Variants in AOPEP observed in about 807,000 individuals in gnomAD.
The protein encoded by AOPEP is aminopeptidase O (putative).
AOPEP carries 77 observed loss-of-function variants against 98.1 expected under a neutral mutation model. The ratio of observed to expected loss-of-function variants is 0.78; its 90% confidence interval spans 0.65 to 0.95. The LOEUF (loss-of-function observed/expected upper bound fraction) is 0.95, where lower values mean the gene tolerates loss of function less well. Ranked by LOEUF, AOPEP falls within the 40% of genes least tolerant of loss-of-function variation. AOPEP has a pLI of 0.00. For missense variants in AOPEP, 1,024 were observed against 1,024.7 expected (o/e 1.00, Z 0.01); for synonymous variants, 346 against 365.3 (o/e 0.95, Z 0.60).
At chr9:95,143,364 T>G in the AOPEP span, among the ~76,000 whole-genome samples, 1 of 152,132 alleles carries the variant, frequency 6.6e-6, no homozygotes, top group Non-Finnish European at 1.5e-5. Context: ...CGCTGGCCAG[T>G]AGTGATCAGG....
intron 13 of AOPEP, among the ~76,000 whole-genome samples, chr9:95,027,422 A>G (rs1342952397): frequency 6.6e-6 from 1 of 152,164 alleles, no homozygotes; most frequent in Non-Finnish European, 1.5e-5. Context: ...CTTGATATAA[A>G]GTATTGAGTT....
intron 5 of AOPEP, among the ~76,000 whole-genome samples, chr9:94,821,344 C>G (rs1259064962): frequency 6.6e-6 from 1 of 152,104 alleles, no homozygotes; most frequent in Non-Finnish European, 1.5e-5. Context: ...ACCAGTCTTA[C>G]AAACTAAAGG....
At position 95,010,346 on chromosome 9, in the gene AOPEP, A is replaced by G. The variant is rs55654555; in HGVS notation, c.2115+4730A>G. ...AATTATTTGGCTCTTTCTTGGACCC[A>G]AAACAACAGATGGTGACTGTGGTAG... On this transcript the variant is annotated intron_variant, in intron 13 of 16. Coordinates refer to ENST00000375315, the MANE Select transcript of AOPEP (RefSeq NM_001193329.3). Among the ~76,000 whole-genome samples, 708 of 152,348 alleles carry G rather than the reference A, an allele frequency of 4.6e-3. 10 individuals carry two copies. The highest frequency in any genetic ancestry group is 0.041 in the South Asian group (197 of 4,828).
chr9:94,831,620 AT>A (rs1855976972), intron 5 of AOPEP, among the ~76,000 whole-genome samples: 1 of 152,134 alleles, frequency 6.6e-6, no homozygotes, highest in Non-Finnish European at 1.5e-5. Flanking sequence ...TGAAAACAGC[AT>A]TGAATCTATA....
At chr9:94,935,542 C>T (rs376329600) in intron 7 of AOPEP, among the ~76,000 whole-genome samples, 1 of 152,236 alleles carries the variant, frequency 6.6e-6, no homozygotes, top group African/African-American at 2.4e-5. Context: ...AGGCAGTGGA[C>T]CCCCAGGGTG....
At chr9:94,728,054 A>G (rs1439031688) in intron 1 of AOPEP, among the ~76,000 whole-genome samples, 1 of 152,224 alleles carries the variant, frequency 6.6e-6, no homozygotes, top group Non-Finnish European at 1.5e-5. Flanking sequence ...CACTTTTCTT[A>G]AAGGACTCTA....
chr9:95,126,946 G>A, the AOPEP span: 2 of 291,384 alleles, frequency 6.9e-6, no homozygotes, highest in Non-Finnish European at 1.3e-5. Flanking sequence ...AAGTGTGCCT[G>A]TGTGACCTCC....
At chr9:94,808,947 A>T (rs1336829073) in intron 5 of AOPEP, among the ~76,000 whole-genome samples, 3 of 152,260 alleles carry the variant, frequency 2.0e-5, no homozygotes, top group Non-Finnish European at 4.4e-5. Flanking sequence ...GGAATGAGCC[A>T]GCTGCAGTTT....
chr9:94,947,216 C>T lies in AOPEP; in HGVS notation c.1662-7961C>T, dbSNP rs376073347. Among the ~76,000 whole-genome samples the T allele has an allele frequency of 2.1e-4, 32 of 152,034 alleles. No homozygotes were observed. The East Asian group carries it at 3.9e-3, about 18-fold the overall frequency. ...CAGGATGGTCTCAATCACCTGACCT[C>T]GTGATCCACCCGCCTCGGCCTCCCA... is the stretch of plus-strand genomic sequence containing the variant. On this transcript the variant is annotated intron_variant, in intron 7 of 16. Transcript: ENST00000375315.
chr9:95,101,873 G>A, the AOPEP span: 4 of 1,613,546 alleles, frequency 2.5e-6, no homozygotes, highest in Non-Finnish European at 2.5e-6. Flanking sequence ...CAGAAGAGAA[G>A]GCAAATTAAA....
chr9:95,091,359 AC>A (rs1293479941), downstream of AOPEP, among the ~76,000 whole-genome samples: 2 of 152,014 alleles, frequency 1.3e-5, no homozygotes, highest in African/African-American at 4.8e-5. Flanking sequence ...GGCCCACCAC[AC>A]CCCATTCCCC....
intron 5 of AOPEP, among the ~76,000 whole-genome samples, chr9:94,849,896 G>A (rs536407357): frequency 3.3e-5 from 5 of 152,114 alleles, no homozygotes; most frequent in Admixed American, 6.5e-5. Flanking sequence ...TTAGCCAGGC[G>A]TGGTGGCGTG....
rs189523691 is a variant in AOPEP, at chr9:94,999,882, G to A, written c.1978-5276G>A. On this transcript the variant is annotated intron_variant, in intron 11 of 16. Coordinates refer to ENST00000375315, the MANE Select transcript of AOPEP (RefSeq NM_001193329.3). ...AGCCTTCATTAGAATCTCAGAGGGG[G>A]TCAAGAAATGGAAGAACTAAGCATT... Among the ~76,000 whole-genome samples the A allele has an allele frequency of 5.8e-3, 890 of 152,206 alleles. 6 individuals carry two copies. The highest frequency in any genetic ancestry group is 0.02 in the African/African-American group (841 of 41,508).
intron 5 of AOPEP, among the ~76,000 whole-genome samples, chr9:94,803,237 T>C (rs1848562773): frequency 1.3e-5 from 2 of 152,184 alleles, no homozygotes; most frequent in Non-Finnish European, 2.9e-5. Flanking sequence ...AATGGCTCTT[T>C]CCCGAGTCCA....
chr9:94,990,267 G>T (rs1013439371), intron 11 of AOPEP, among the ~76,000 whole-genome samples: 2 of 151,852 alleles, frequency 1.3e-5, no homozygotes, highest in African/African-American at 4.8e-5. Flanking sequence ...GGTGTAGTCT[G>T]GTGAGCCATA....
At chr9:94,924,208 C>T (rs549025898) in intron 6 of AOPEP, 33 bp downstream of exon 6, 299 of 1,312,824 alleles carry the variant, frequency 2.3e-4, no homozygotes, top group Non-Finnish European at 2.8e-4. Context: ...ATTTCACTAC[C>T]CAGAGTCAAA....
At chr9:94,762,096 GAATT>G (rs1356240730) in intron 2 of AOPEP, among the ~76,000 whole-genome samples, 1 of 152,168 alleles carries the variant, frequency 6.6e-6, no homozygotes, top group African/African-American at 2.4e-5. Flanking sequence ...TTAGACTGGT[GAATT>G]AAATGACATG....
intron 1 of AOPEP, among the ~76,000 whole-genome samples, chr9:94,743,349 A>G (rs988359202): frequency 6.6e-6 from 1 of 152,192 alleles, no homozygotes; most frequent in Admixed American, 6.5e-5. Flanking sequence ...ACAGAGAGTC[A>G]AGGAAAATAA....
At chr9:94,913,852 A>G (rs1030478107) in intron 5 of AOPEP, among the ~76,000 whole-genome samples, 2 of 152,242 alleles carry the variant, frequency 1.3e-5, no homozygotes, top group Admixed American at 1.3e-4. Context: ...TGCCTTCATT[A>G]TAAGCCATTA....
Sources: allele counts gnomAD v4.1 joint callset (sites outside exome capture counted in the v4.1 genomes callset), GRCh38; gene constraint gnomAD v4.1.1; transcripts MANE v1.5; gene names NCBI Gene and HGNC (gene_info 2026-07-23, HGNC 2026-07-21).